KLRD1: variants seen among roughly 807,000 people sequenced by gnomAD.
KLRD1 encodes natural killer cells antigen CD94.
A neutral mutation model predicts 22.6 loss-of-function variants in KLRD1; 21 were observed. The observed-to-expected ratio is 0.93, with a 90% CI of 0.66 to 1.34. KLRD1 has a LOEUF of 1.34. Ranked by LOEUF, KLRD1 falls within the 40% of genes most tolerant of loss-of-function variation. The pLI, the probability that KLRD1 is intolerant of heterozygous loss-of-function variation, is 0.00. For missense variants in KLRD1, 183 were observed against 208.6 expected, an observed-to-expected ratio of 0.88 and a Z score of 0.76; for synonymous variants, 59 against 71.1, an observed-to-expected ratio of 0.83 and a Z score of 0.85.
Position 10,321,763 on chromosome 12 carries a change from G to A in KLRD1, c.*6970G>A, listed in dbSNP as rs1293300929. 3 of 152,172 alleles carry A rather than the reference G, an allele frequency of 2.0e-5. No homozygotes were observed. The highest frequency in any genetic ancestry group is 7.2e-5 in the African/African-American group (3 of 41,432). The allele number at this position is 152,172 out of a possible 1,614,324, so 9.4% of individuals were successfully genotyped here. A position where few individuals can be genotyped will look rare whatever the true frequency, so the allele number is the denominator to read the frequency against. On this transcript the variant is annotated 3_prime_UTR_variant, in exon 6 of 6. Coordinates refer to ENST00000336164, the MANE Select transcript of KLRD1 (RefSeq NM_002262.5). ...GAGGCCTCCTATAAACAGCTAGCAA[G>A]GAACTGCAGCCATCTTGTAGACAGC...
intron 1 of KLRD1, among the ~76,000 whole-genome samples, chr12:10,285,786 C>T (rs1275045693): frequency 1.3e-5 from 2 of 152,048 alleles, no homozygotes; most frequent in Non-Finnish European, 2.9e-5. Context: ...CTTTCCTATT[C>T]CCTCCTCTTC....
chr12:10,259,611 A>T (rs1363956634), intron 1 of KLRD1, among the ~76,000 whole-genome samples: 1 of 152,232 alleles, frequency 6.6e-6, no homozygotes, highest in East Asian at 1.9e-4. Context: ...GTATTTACCT[A>T]TTTCATTGTC....
At chr12:10,280,550 C>T (rs1949631181) in intron 1 of KLRD1, among the ~76,000 whole-genome samples, 1 of 152,010 alleles carries the variant, frequency 6.6e-6, no homozygotes, top group Non-Finnish European at 1.5e-5. Context: ...CGTTGAGTAT[C>T]AGAAGATGCC....
At chr12:10,249,811 A>G (rs1333531807) in intron 1 of KLRD1, among the ~76,000 whole-genome samples, 1 of 152,206 alleles carries the variant, frequency 6.6e-6, no homozygotes, top group Non-Finnish European at 1.5e-5. Context: ...CCTTTCACAC[A>G]GGAAGGGACC....
chr12:10,279,619 A>T lies in KLRD1; in HGVS notation c.-100-28359A>T, dbSNP rs1305993003. ...CAAATTACGTTACCTAAATACATCC[A>T]ATTGAGACAAAATCTCAAAGAATGC... On this transcript the variant is annotated intron_variant, in intron 1 of 5. Transcript: ENST00000544747. 1.1e-4 allele frequency among the ~76,000 whole-genome samples: 17 copies of T among 152,198 alleles called. 1 individual carries two copies.
At chr12:10,259,801 A>G (rs1949431228) in intron 1 of KLRD1, among the ~76,000 whole-genome samples, 1 of 152,180 alleles carries the variant, frequency 6.6e-6, no homozygotes, top group Non-Finnish European at 1.5e-5. Context: ...CCCTGTCTTT[A>G]CTAGAAATAC....
Position 10,314,686 on chromosome 12 carries a change from G to A in KLRD1, c.433G>A (p.Glu145Lys). 1 of 1,568,860 alleles carries A rather than the reference G, an allele frequency of 6.4e-7. No individual in the cohort carries two copies. Among genetic ancestry groups the A allele is most frequent in the South Asian group, 1.2e-5 (1 of 80,134 alleles). Residue 145 changes from glutamate (E) to lysine (K), a missense_variant, in exon 6 of 6, where the codon GAA becomes AAA. Transcript: ENST00000336164. ...TCTTCATTACAGATTTCCATCATTT[G>A]AAACTTTTAATACAAAGAACTGCAT... ...ALSQYLFPSF[E>K]TFNTKNCIAY...
At chr12:10,277,919 A>T (rs1949606497) in intron 1 of KLRD1, among the ~76,000 whole-genome samples, 1 of 152,180 alleles carries the variant, frequency 6.6e-6, no homozygotes, top group Admixed American at 6.5e-5. Context: ...GATTCCTTTC[A>T]GGTTAAATTT....
chr12:10,308,287 T>C (rs1174810006), intron 1 of KLRD1: 5 of 577,974 alleles, frequency 8.7e-6, no homozygotes, highest in African/African-American at 7.5e-5. Context: ...ATGAAGTTTT[T>C]TCCACAGGTT....
chr12:10,274,735 A>G (rs1949577802), intron 1 of KLRD1, among the ~76,000 whole-genome samples: 2 of 151,316 alleles, frequency 1.3e-5, no homozygotes, highest in African/African-American at 4.8e-5. Flanking sequence ...CTTTCAAAAA[A>G]TTATATTTAG....
intron 1 of KLRD1, among the ~76,000 whole-genome samples, chr12:10,263,475 A>T (rs997215880): frequency 6.6e-6 from 1 of 152,078 alleles, no homozygotes; most frequent in Non-Finnish European, 1.5e-5. Flanking sequence ...TTGAATTTTT[A>T]AAATAAGAAT....
At chr12:10,255,318 ATTTT>A (rs1270110642) in intron 1 of KLRD1, among the ~76,000 whole-genome samples, 2 of 151,852 alleles carry the variant, frequency 1.3e-5, no homozygotes, top group African/African-American at 4.8e-5. Context: ...GGCTTTGTTT[ATTTT>A]CTCTATTTTC....
At chr12:10,251,942 G>A (rs1312678696) in intron 1 of KLRD1, among the ~76,000 whole-genome samples, 1 of 152,122 alleles carries the variant, frequency 6.6e-6, no homozygotes, top group East Asian at 1.9e-4. Flanking sequence ...TGTGCTCCAG[G>A]TTCCTAACAG....
intron 1 of KLRD1, 153 bp from the exon 2 acceptor site, chr12:10,309,235 C>A (rs775060383): frequency 1.8e-6 from 1 of 547,906 alleles, no homozygotes; most frequent in Non-Finnish European, 3.3e-6. Flanking sequence ...TGGGTGAAGT[C>A]CCGATTGGAA....
chr12:10,267,174 C>T (rs1424521988), intron 1 of KLRD1, among the ~76,000 whole-genome samples: 1 of 142,544 alleles, frequency 7.0e-6, no homozygotes, highest in Admixed American at 7.4e-5. Context: ...TAAAATTTTA[C>T]TTTTATGTAT....
chr12:10,313,741 C>T (rs541191165), intron 5 of KLRD1, among the ~76,000 whole-genome samples: 1 of 151,906 alleles, frequency 6.6e-6, no homozygotes, highest in South Asian at 2.1e-4. Flanking sequence ...GAAAGGAGGT[C>T]GGGGTATAGG....
chr12:10,244,770 C>T lies in KLRD1; in HGVS notation c.-101+18537C>T, dbSNP rs1290713351. 3.3e-5 allele frequency among the ~76,000 whole-genome samples: 5 copies of T among 150,202 alleles called. 1 individual carries two copies. Among genetic ancestry groups the T allele is most frequent in the African/African-American group, 7.4e-5 (3 of 40,716 alleles). ...TGCACTCCAGCCTGGGCAACATGAG[C>T]GAAACTCCGTCTCAAAAACAAAACA... On this transcript the variant is annotated intron_variant, in intron 1 of 5. Transcript: ENST00000544747.
chr12:10,300,486 A>G (rs532390828), upstream of KLRD1, among the ~76,000 whole-genome samples: 1 of 152,340 alleles, frequency 6.6e-6, no homozygotes, highest in East Asian at 1.9e-4. Flanking sequence ...AAAAATATTT[A>G]CTAAACCATG....
In KLRD1 at chr12:10,316,958, G is replaced by T. The variant is rs1178926377; in HGVS notation, c.*2165G>T. ...TGCCCCCCACCCCCCGACAGGCCTTGGTCTGTGATGTTCACCTCCCTGTGT... is the reference window on the plus strand; with the variant it reads ...TGCCCCCCACCCCCCGACAGGCCTTTGTCTGTGATGTTCACCTCCCTGTGT... On this transcript the variant is annotated 3_prime_UTR_variant, in exon 6 of 6. Transcript: ENST00000336164. 1 of 147,388 alleles carries T rather than the reference G, an allele frequency of 6.8e-6. No individual in the cohort carries two copies. Among genetic ancestry groups the T allele is most frequent in the Non-Finnish European group, 1.5e-5 (1 of 67,104 alleles). The allele number at this position is 147,388 out of a possible 1,614,324, so 9.1% of individuals were successfully genotyped here.
Sources: gnomAD v4.1 joint callset for allele counts (sites outside exome capture counted in the v4.1 genomes callset) on GRCh38, gnomAD v4.1.1 for gene constraint, MANE v1.5 for transcripts, NCBI Gene and HGNC (gene_info 2026-07-23, HGNC 2026-07-21) for gene names.